The following MAF variants were observed in gnomAD, a reference collection of about 807,000 sequenced individuals.
MAF encodes transcription factor Maf.
A neutral mutation model predicts 22.0 loss-of-function variants in MAF; 10 were observed. The observed-to-expected ratio is 0.45, with a 90% CI of 0.28 to 0.77. MAF has a LOEUF of 0.77. Among genes scored for constraint, MAF ranks in the 30% least tolerant of loss-of-function variants. The pLI, the probability that MAF is intolerant of heterozygous loss-of-function variation, is 0.12. For synonymous variants in MAF, 337 were observed against 255.8 expected, an observed-to-expected ratio of 1.32 and a Z score of -3.03; for missense variants, 544 against 548.4, an observed-to-expected ratio of 0.99 and a Z score of 0.08.
At chr16:79,391,244 T>C in the MAF span, among the ~76,000 whole-genome samples, 388 of 152,324 alleles carry the variant, frequency 2.5e-3, 3 homozygotes, top group African/African-American at 9.1e-3. Flanking sequence ...ATGGGAATAA[T>C]AATGACATGC....
chr16:79,280,065 AG>A, the MAF span, among the ~76,000 whole-genome samples: 1 of 152,226 alleles, frequency 6.6e-6, no homozygotes, highest in African/African-American at 2.4e-5. Flanking sequence ...AGGCCACAGC[AG>A]GTAAGGAAAC....
At chr16:79,261,606 T>G in the MAF span, among the ~76,000 whole-genome samples, 3 of 152,156 alleles carry the variant, frequency 2.0e-5, no homozygotes, top group Admixed American at 1.3e-4. Flanking sequence ...GATGCCTCTA[T>G]AGAGGAGACA....
At chr16:79,283,595 T>C in the MAF span, among the ~76,000 whole-genome samples, 1 of 152,206 alleles carries the variant, frequency 6.6e-6, no homozygotes, top group South Asian at 2.1e-4. Flanking sequence ...TTAAAAAACA[T>C]TTTGCAAGTC....
chr16:79,546,364 C>T, the MAF span, among the ~76,000 whole-genome samples: 1 of 151,950 alleles, frequency 6.6e-6, no homozygotes, highest in Admixed American at 6.5e-5. Flanking sequence ...AATAAACTTT[C>T]CAGTCATATA....
the MAF span, among the ~76,000 whole-genome samples, chr16:79,466,348 C>G: frequency 2.6e-5 from 4 of 152,142 alleles, no homozygotes; most frequent in Admixed American, 1.3e-4. Context: ...TCCATTAATG[C>G]CATCCTGAAA....
At position 79,585,873 on chromosome 16, in the gene MAF, G is replaced by A. The variant is rs143998878; in HGVS notation, c.*35C>T. ...CAAGCACATGCAAATCAAAAATCAAGATGTACCTCTTTGACTTCAGGCAAC... is the reference window on the plus strand; with the variant it reads ...CAAGCACATGCAAATCAAAAATCAAAATGTACCTCTTTGACTTCAGGCAAC... On this transcript the variant is annotated 3_prime_UTR_variant, in exon 2 of 2. Coordinates refer to the MAF transcript ENST00000569649. 344 of 653,872 alleles carry A rather than the reference G, an allele frequency of 5.3e-4. 2 individuals carry two copies. The East Asian group carries it at 9.1e-3, about 17-fold the overall frequency. 40.5% of individuals were successfully genotyped at this position (653,872 alleles called of 1,614,324 possible). A position where few individuals can be genotyped will look rare whatever the true frequency, so the allele number is the denominator to read the frequency against.
At chr16:79,349,786 A>T in the MAF span, among the ~76,000 whole-genome samples, 1 of 152,196 alleles carries the variant, frequency 6.6e-6, no homozygotes, top group Non-Finnish European at 1.5e-5. Flanking sequence ...TGCTAGCTAG[A>T]TTGAAAACCT....
downstream of MAF, among the ~76,000 whole-genome samples, chr16:79,584,858 C>T (rs746349043): frequency 3.3e-5 from 5 of 152,058 alleles, no homozygotes; most frequent in South Asian, 2.1e-4. Flanking sequence ...ATGGTAGCAC[C>T]GTGTAGAAGT....
the MAF span, among the ~76,000 whole-genome samples, chr16:79,571,604 G>A: frequency 7.0e-6 from 1 of 142,616 alleles, no homozygotes; most frequent in Admixed American, 7.4e-5. Flanking sequence ...AAACTGTTAA[G>A]GCAAAATTTT....
At chr16:79,363,722 C>T in the MAF span, among the ~76,000 whole-genome samples, 2 of 152,126 alleles carry the variant, frequency 1.3e-5, no homozygotes, top group South Asian at 4.1e-4. Flanking sequence ...TAACTCTGAC[C>T]TCAGTGAATG....
chr16:79,348,986 A>G, the MAF span, among the ~76,000 whole-genome samples: 1 of 152,104 alleles, frequency 6.6e-6, no homozygotes, highest in Non-Finnish European at 1.5e-5. Flanking sequence ...CTCCCCCTGC[A>G]CCTGAGCCTG....
At chr16:79,385,404 T>A in the MAF span, among the ~76,000 whole-genome samples, 1 of 152,222 alleles carries the variant, frequency 6.6e-6, no homozygotes, top group East Asian at 1.9e-4. Flanking sequence ...TTTTTATGCA[T>A]AAAATTATGC....
At chr16:79,344,567 C>T in the MAF span, among the ~76,000 whole-genome samples, 1 of 152,180 alleles carries the variant, frequency 6.6e-6, no homozygotes, top group Admixed American at 6.5e-5. Flanking sequence ...CGTCCCATCT[C>T]AGACACATTC....
chr16:79,508,135 G>C, the MAF span, among the ~76,000 whole-genome samples: 1 of 152,118 alleles, frequency 6.6e-6, no homozygotes, highest in African/African-American at 2.4e-5. Flanking sequence ...TGGAAGGAGC[G>C]GGGAGTCATT....
the MAF span, among the ~76,000 whole-genome samples, chr16:79,209,729 C>T: frequency 6.6e-6 from 1 of 152,346 alleles, no homozygotes; most frequent in Non-Finnish European, 1.5e-5. Flanking sequence ...GGATGAGCAT[C>T]TCAATTCTCC....
the MAF span, among the ~76,000 whole-genome samples, chr16:79,429,465 G>A: frequency 6.6e-6 from 1 of 152,104 alleles, no homozygotes; most frequent in Non-Finnish European, 1.5e-5. Context: ...TGCCTCCCTC[G>A]CCTGATGCCA....
chr16:79,467,471 A>T, the MAF span, among the ~76,000 whole-genome samples: 1 of 152,162 alleles, frequency 6.6e-6, no homozygotes, highest in Non-Finnish European at 1.5e-5. Flanking sequence ...CAGTGATCTT[A>T]TGAATTAGGA....
At chr16:79,570,762 T>C in the MAF span, among the ~76,000 whole-genome samples, 13 of 152,328 alleles carry the variant, frequency 8.5e-5, no homozygotes, top group African/African-American at 2.9e-4. Context: ...ATTGAGAAGA[T>C]ACAATACAAC....
At chr16:79,333,683 C>A in the MAF span, among the ~76,000 whole-genome samples, 1 of 152,244 alleles carries the variant, frequency 6.6e-6, no homozygotes, top group Non-Finnish European at 1.5e-5. Flanking sequence ...TGGATCCCAA[C>A]ATCTCTCCTG....
Sources: allele counts gnomAD v4.1 joint callset (sites outside exome capture counted in the v4.1 genomes callset), GRCh38; gene constraint gnomAD v4.1.1; transcripts MANE v1.5; gene names NCBI Gene and HGNC (gene_info 2026-07-23, HGNC 2026-07-21).